The following ATP10B variants were observed in gnomAD, a reference collection of about 807,000 sequenced individuals.
ATP10B encodes the protein ATPase phospholipid transporting 10B (putative), also known as phospholipid-transporting ATPase VB.
Under a neutral mutation model 141.2 loss-of-function variants are expected in ATP10B, and 122 were observed. That is an observed-to-expected ratio of 0.86 (90% CI 0.75 to 1.00). ATP10B has a LOEUF of 1.00. ATP10B is among the 50% of genes least tolerant of loss of function. The pLI, the probability that ATP10B is intolerant of heterozygous loss-of-function variation, is 0.00. For synonymous variants in ATP10B, 685 were observed against 692.0 expected (o/e 0.99, Z 0.16); for missense variants, 1,876 against 1,825.3 (o/e 1.03, Z -0.51).
At chr5:160,810,897 G>T (rs1392489963) in intron 1 of ATP10B, among the ~76,000 whole-genome samples, 1 of 152,078 alleles carries the variant, frequency 6.6e-6, no homozygotes, top group Non-Finnish European at 1.5e-5. Context: ...CCTATTTGGG[G>T]TTTGTTCAAC....
chr5:160,823,190 C>A (rs1190136826), intron 1 of ATP10B, among the ~76,000 whole-genome samples: 1 of 151,202 alleles, frequency 6.6e-6, no homozygotes, highest in Non-Finnish European at 1.5e-5. Context: ...ACATATACAC[C>A]ATGGAATACT....
intron 1 of ATP10B, among the ~76,000 whole-genome samples, chr5:160,847,184 C>T (rs1043037974): frequency 1.3e-5 from 2 of 152,118 alleles, no homozygotes; most frequent in African/African-American, 2.4e-5. Context: ...CAGTTCAGTG[C>T]CTGTTAAATC....
intron 1 of ATP10B, among the ~76,000 whole-genome samples, chr5:160,805,551 T>G (rs1451668718): frequency 2.0e-5 from 3 of 152,180 alleles, no homozygotes; most frequent in African/African-American, 7.2e-5. Flanking sequence ...CTACACTAAC[T>G]GGGTCACGCT....
At chr5:160,633,704 A>C (rs1306741751) in intron 12 of ATP10B, 1 of 162,004 alleles carries the variant, frequency 6.2e-6, no homozygotes, top group Non-Finnish European at 1.4e-5. Flanking sequence ...GTATTGAAAA[A>C]AAAGAATTTC....
At chr5:160,772,447 C>T (rs1769976866) in intron 2 of ATP10B, among the ~76,000 whole-genome samples, 2 of 152,132 alleles carry the variant, frequency 1.3e-5, no homozygotes, top group Admixed American at 1.3e-4. Flanking sequence ...GGACTGTGGT[C>T]TTGTGTCCTC....
At chr5:160,793,835 G>A (rs1228857308) in intron 1 of ATP10B, among the ~76,000 whole-genome samples, 1 of 152,116 alleles carries the variant, frequency 6.6e-6, no homozygotes, top group Admixed American at 6.5e-5. Context: ...TCTTTTCACT[G>A]TATTTTTTCT....
rs1268189895 is a variant in ATP10B at position 160,755,879 on chromosome 5, T to A, written c.-331+29680A>T. 2.4e-4 allele frequency among the ~76,000 whole-genome samples: 28 copies of A among 116,618 alleles called. No homozygotes were observed. The East Asian group carries it at 5.7e-3, about 24-fold the overall frequency. 76.5% of individuals were successfully genotyped at this position (116,618 alleles called of 152,430 possible). A position where few individuals can be genotyped will look rare whatever the true frequency, so the allele number is the denominator to read the frequency against. Reference sequence around the variant, plus strand: ...TATATATATATATATATATATATATTATAATTTTATGGAACCACTGTCATA... The same window carrying A: ...TATATATATATATATATATATATATAATAATTTTATGGAACCACTGTCATA... On this transcript the variant is annotated intron_variant, in intron 2 of 25. Transcript: ENST00000327245.
At chr5:160,841,549 T>A (rs1775810767) in intron 1 of ATP10B, among the ~76,000 whole-genome samples, 1 of 151,738 alleles carries the variant, frequency 6.6e-6, no homozygotes, top group Non-Finnish European at 1.5e-5. Flanking sequence ...CTATATTCAA[T>A]AAAAAATTAA....
chr5:160,765,193 C>G (rs1323156950), intron 2 of ATP10B, among the ~76,000 whole-genome samples: 3 of 151,980 alleles, frequency 2.0e-5, no homozygotes, highest in Admixed American at 6.6e-5. Flanking sequence ...AAAATGCCAC[C>G]ATTATTCCTC....
chr5:160,736,947 C>T (rs1028238696), intron 2 of ATP10B, among the ~76,000 whole-genome samples: 1 of 152,122 alleles, frequency 6.6e-6, no homozygotes, highest in Non-Finnish European at 1.5e-5. Flanking sequence ...CAGACAAAGA[C>T]ATATCGAAAG....
the ATP10B span, among the ~76,000 whole-genome samples, chr5:160,883,780 A>G: frequency 6.6e-6 from 1 of 152,204 alleles, no homozygotes; most frequent in Admixed American, 6.5e-5. Flanking sequence ...AAGGAGTTTA[A>G]AGAGTGTTAA....
At chr5:160,608,569 C>A (rs1757534345) in intron 18 of ATP10B, among the ~76,000 whole-genome samples, 1 of 152,164 alleles carries the variant, frequency 6.6e-6, no homozygotes, top group South Asian at 2.1e-4. Context: ...ATTCCAAATT[C>A]TCCACATCCT....
At chr5:160,815,698 CA>C (rs1773559123) in intron 1 of ATP10B, among the ~76,000 whole-genome samples, 1 of 152,188 alleles carries the variant, frequency 6.6e-6, no homozygotes, top group African/African-American at 2.4e-5. Flanking sequence ...CACCCCAAAT[CA>C]ACAGAATATA....
intron 21 of ATP10B, among the ~76,000 whole-genome samples, chr5:160,600,543 A>G (rs1757045777): frequency 6.6e-6 from 1 of 152,184 alleles, no homozygotes. Context: ...TTCCCGACAT[A>G]CAGCAGACAT....
intron 2 of ATP10B, among the ~76,000 whole-genome samples, chr5:160,744,716 A>T (rs1334737622): frequency 6.6e-6 from 1 of 152,234 alleles, no homozygotes; most frequent in African/African-American, 2.4e-5. Context: ...TTTCAATGAC[A>T]GATTAGCTGA....
intron 16 of ATP10B, 122 bp from the exon 17 acceptor site, chr5:160,616,086 G>GT: frequency 9.5e-7 from 1 of 1,052,044 alleles, no homozygotes; most frequent in Non-Finnish European, 1.3e-6. Context: ...ATTAGATGGG[G>GT]CTTTCTTCTC....
intron 3 of ATP10B, among the ~76,000 whole-genome samples, chr5:160,695,987 T>C (rs959616198): frequency 8.5e-5 from 13 of 152,182 alleles, no homozygotes; most frequent in Non-Finnish European, 1.6e-4. Context: ...AATCAATAAG[T>C]ATATCAGTTT....
chr5:160,614,740 G>A (rs1757905626), intron 17 of ATP10B, among the ~76,000 whole-genome samples: 1 of 152,086 alleles, frequency 6.6e-6, no homozygotes, highest in South Asian at 2.1e-4. Flanking sequence ...AGTGACCTTG[G>A]GTCTTTCCCC....
chr5:160,645,444 C>T (rs188995969), intron 8 of ATP10B, among the ~76,000 whole-genome samples: 238 of 152,360 alleles, frequency 1.6e-3, no homozygotes, highest in Non-Finnish European at 2.7e-3. Context: ...ATCACTCACT[C>T]GGCCTCTTTC....
Sources: gnomAD v4.1 joint callset for allele counts (sites outside exome capture counted in the v4.1 genomes callset) on GRCh38, gnomAD v4.1.1 for gene constraint, MANE v1.5 for transcripts, NCBI Gene and HGNC (gene_info 2026-07-23, HGNC 2026-07-21) for gene names.